The following PACRG variants were observed in gnomAD, a reference collection of about 807,000 sequenced individuals.
The protein encoded by PACRG is parkin coregulated.
PACRG carries 29 observed loss-of-function variants against 29.7 expected under a neutral mutation model. The ratio of observed to expected loss-of-function variants is 0.98; its 90% CI spans 0.73 to 1.33. PACRG has a LOEUF of 1.33. Ranked by LOEUF, PACRG falls within the 40% of genes most tolerant of loss-of-function variation. The probability of loss-of-function intolerance (pLI) is 0.00; values close to 1 mark genes in which losing one functional copy is unlikely to be tolerated. For missense variants in PACRG, 279 were observed against 316.2 expected (o/e 0.88, Z 0.89); for synonymous variants, 116 against 118.7 (o/e 0.98, Z 0.15).
intron 4 of PACRG, among the ~76,000 whole-genome samples, chr6:163,119,675 T>C (rs1171826002): frequency 2.0e-5 from 3 of 152,220 alleles, no homozygotes; most frequent in African/African-American, 7.2e-5. Context: ...AATCTTGTAT[T>C]GAGTTGTTGA....
At chr6:163,270,006 AGGAGGGAG>A (rs140292182) in intron 4 of PACRG, among the ~76,000 whole-genome samples, 5 of 84,282 alleles carry the variant, frequency 5.9e-5, no homozygotes, top group African/African-American at 1.5e-4. Flanking sequence ...AAAGAAAGAA[AGGAGGGAG>A]GGAGGGAGGG....
chr6:163,196,829 TAGAA>T (rs1046833309), intron 4 of PACRG, among the ~76,000 whole-genome samples: 15 of 150,226 alleles, frequency 1.0e-4, no homozygotes, highest in South Asian at 2.1e-4. Flanking sequence ...GATAAACAGG[TAGAA>T]AGAAAGACTA....
intron 2 of PACRG, among the ~76,000 whole-genome samples, chr6:162,871,977 T>G (rs1232122921): frequency 6.6e-6 from 1 of 152,130 alleles, no homozygotes; most frequent in Admixed American, 6.5e-5. Flanking sequence ...ACTTTCTCAA[T>G]AGAATATTTT....
At chr6:163,136,860 G>T (rs1015526151) in intron 4 of PACRG, among the ~76,000 whole-genome samples, 1 of 152,162 alleles carries the variant, frequency 6.6e-6, no homozygotes, top group African/African-American at 2.4e-5. Context: ...GAATAGATTG[G>T]AAATGTTCCT....
At chr6:162,983,619 A>G (rs1802620887) in intron 2 of PACRG, among the ~76,000 whole-genome samples, 1 of 152,048 alleles carries the variant, frequency 6.6e-6, no homozygotes, top group African/African-American at 2.4e-5. Flanking sequence ...TTGTTTGAGG[A>G]GGCTAAAGAT....
At position 163,315,182 on chromosome 6, in the gene PACRG, A is replaced by C. The variant is rs1478134760; in HGVS notation, c.*195A>C. 5.1e-6 allele frequency: 3 copies of C among 582,564 alleles called. No homozygotes were observed. Among genetic ancestry groups the C allele is most frequent in the Non-Finnish European group, 8.8e-6 (3 of 339,538 alleles). 36.1% of individuals were successfully genotyped at this position (582,564 alleles called of 1,614,324 possible). ...AATACATAAATAGTGTCTGTTTCTT[A>C]GATTACAATAGTGTACTGTGCTTAT... is the stretch of plus-strand genomic sequence containing the variant. On this transcript the variant is annotated 3_prime_UTR_variant, in exon 5 of 5. Transcript: ENST00000366888.
chr6:162,938,717 C>T (rs1798408597), intron 2 of PACRG, among the ~76,000 whole-genome samples: 1 of 152,112 alleles, frequency 6.6e-6, no homozygotes, highest in Non-Finnish European at 1.5e-5. Flanking sequence ...GGTGGCATTG[C>T]ATTGTGGTTT....
intron 2 of PACRG, among the ~76,000 whole-genome samples, chr6:163,010,743 A>G (rs1805533250): frequency 6.6e-6 from 1 of 152,234 alleles, no homozygotes; most frequent in South Asian, 2.1e-4. Context: ...CACTCAATGT[A>G]TCAGGCACGG....
At chr6:162,856,408 T>C (rs1791401906) in intron 2 of PACRG, among the ~76,000 whole-genome samples, 1 of 152,112 alleles carries the variant, frequency 6.6e-6, no homozygotes, top group South Asian at 2.1e-4. Context: ...TGTATTGTTA[T>C]CGGGTACTTT....
In PACRG at chr6:162,982,879, C is replaced by A. The variant is rs562824404; in HGVS notation, c.292-79271C>A. On this transcript the variant is annotated intron_variant, in intron 2 of 4. Coordinates refer to ENST00000366888, the MANE Select transcript of PACRG (RefSeq NM_001080379.2). ...CTTTGTTGACTGTCTGTCTTGGTGA[C>A]ATGTCTAGTGCATTCAGTGGAGTAT... 5.3e-5 allele frequency among the ~76,000 whole-genome samples: 8 copies of A among 152,094 alleles called. No homozygotes were observed. In the South Asian group the frequency reaches 1.7e-3, roughly 32 times the overall value.
chr6:162,872,551 T>C (rs1300721421), intron 2 of PACRG, among the ~76,000 whole-genome samples: 2 of 152,198 alleles, frequency 1.3e-5, no homozygotes, highest in African/African-American at 4.8e-5. Flanking sequence ...CTTTTGGCTT[T>C]CTAAAAAATA....
intron 4 of PACRG, among the ~76,000 whole-genome samples, chr6:163,212,687 A>G (rs1166497794): frequency 6.6e-6 from 1 of 152,154 alleles, no homozygotes; most frequent in African/African-American, 2.4e-5. Context: ...GTTTGATGAA[A>G]AATTGTATAT....
chr6:162,771,366 T>A (rs1783205913), intron 1 of PACRG, among the ~76,000 whole-genome samples: 2 of 152,280 alleles, frequency 1.3e-5, no homozygotes, highest in South Asian at 4.1e-4. Context: ...GGTCCACCAT[T>A]CCTCTTCCAG....
chr6:163,075,127 C>T (rs1235825277), intron 3 of PACRG, among the ~76,000 whole-genome samples: 2 of 152,044 alleles, frequency 1.3e-5, no homozygotes, highest in East Asian at 3.9e-4. Context: ...AACAACTTAT[C>T]CCTAAAACTT....
chr6:163,205,161 G>A (rs1456460840), intron 4 of PACRG, among the ~76,000 whole-genome samples: 4 of 152,088 alleles, frequency 2.6e-5, no homozygotes, highest in East Asian at 1.9e-4. Flanking sequence ...TTACAGATTC[G>A]ATGCTATTCC....
intron 2 of PACRG, among the ~76,000 whole-genome samples, chr6:162,883,256 A>C (rs1212358694): frequency 6.6e-6 from 1 of 152,154 alleles, no homozygotes; most frequent in Admixed American, 6.5e-5. Flanking sequence ...ACTGTCTGGC[A>C]CATGAAATAT....
chr6:163,251,493 C>G (rs1417173623), intron 4 of PACRG, among the ~76,000 whole-genome samples: 4 of 152,122 alleles, frequency 2.6e-5, no homozygotes, highest in Non-Finnish European at 5.9e-5. Context: ...TCTTTGGCAG[C>G]CTGAGTGGCA....
chr6:162,924,338 A>G (rs1797274131), intron 2 of PACRG, among the ~76,000 whole-genome samples: 1 of 151,952 alleles, frequency 6.6e-6, no homozygotes, highest in Admixed American at 6.6e-5. Flanking sequence ...TGTAAAGAGG[A>G]ACATTTTGAT....
chr6:163,283,585 G>T (rs536600431), intron 4 of PACRG, among the ~76,000 whole-genome samples: 65 of 151,608 alleles, frequency 4.3e-4, no homozygotes, highest in Non-Finnish European at 7.8e-4. Flanking sequence ...TGGATCATGA[G>T]GTCAGGAGAT....
Sources: gnomAD v4.1 joint callset for allele counts (sites outside exome capture counted in the v4.1 genomes callset) on GRCh38, gnomAD v4.1.1 for gene constraint, MANE v1.5 for transcripts, NCBI Gene and HGNC (gene_info 2026-07-23, HGNC 2026-07-21) for gene names.